ASDURF: variants seen among roughly 807,000 people sequenced by gnomAD.
The protein encoded by ASDURF is ASNSD1 upstream open reading frame, also known as ASDURF protein.
In ASDURF, 3 loss-of-function variants were observed where a neutral mutation model predicts 3.3. The ratio of observed to expected loss-of-function variants is 0.92; its 90% confidence interval spans 0.42 to 2.37. The LOEUF (loss-of-function observed/expected upper bound fraction) is 2.37. Among genes scored for constraint, ASDURF ranks in the 30% most tolerant of loss-of-function variants. The probability of loss-of-function intolerance (pLI) is 0.05; values close to 1 mark genes in which losing one functional copy is unlikely to be tolerated. For missense variants in ASDURF, 23 were observed against 25.4 expected (o/e 0.90, Z 0.21); for synonymous variants, 11 against 8.3 (o/e 1.32, Z -0.55).
At chr2:189,665,893 C>G (rs2032790074) in intron 3 of ASDURF, 148 bp from the exon 4 acceptor site, 1 of 417,160 alleles carries the variant, frequency 2.4e-6, no homozygotes, top group Admixed American at 4.0e-5. Flanking sequence ...TTATTAGTAG[C>G]CTGTTGTTAA....
chr2:189,665,600 A>G (rs12693553), intron 3 of ASDURF, 149 bp downstream of exon 3: 2,421 of 4,732 alleles, frequency 0.51, 591 homozygotes, highest in Middle Eastern at 0.83. Flanking sequence ...ATATATGTGT[A>G]TATATATATA....
chr2:189,661,810 GAA>G (rs1402688880), intron 1 of ASDURF, among the ~76,000 whole-genome samples, 200 bp downstream of exon 1: 4 of 152,224 alleles, frequency 2.6e-5, no homozygotes, highest in Non-Finnish European at 5.9e-5. Context: ...GGGAGATCTT[GAA>G]ATTTGTCCCG....
intron 3 of ASDURF, among the ~76,000 whole-genome samples, 166 bp downstream of exon 3, chr2:189,665,617 T>C (rs1198254394): frequency 1.2e-4 from 13 of 110,142 alleles, no homozygotes; most frequent in Admixed American, 5.0e-4. Context: ...TATATATATA[T>C]ATATATATAT....
At chr2:189,662,969 A>T (rs1022673150) in intron 1 of ASDURF, among the ~76,000 whole-genome samples, 2 of 137,868 alleles carry the variant, frequency 1.5e-5, no homozygotes, top group Admixed American at 1.5e-4. Context: ...AAAAAAAAAA[A>T]GCCCAGTTCA....
chr2:189,663,957 G>T lies in ASDURF; in HGVS notation c.144+3G>T. ...TTTCTAACCTTAAGAAGAATAGGGT[G>T]AGTTATTATAGGAATTCTGAATAAT... On this transcript the variant is annotated splice_donor_region_variant and intron_variant, in intron 2 of 3. Coordinates refer to ENST00000607829, the MANE Select transcript of ASDURF (RefSeq NM_001353493.2). 2.6e-6 allele frequency: 1 copy of T among 387,908 alleles called. No homozygotes were observed. Among genetic ancestry groups the T allele is most frequent in the South Asian group, 1.3e-4 (1 of 7,700 alleles). The allele number at this position is 387,908 out of a possible 1,614,324, so 24.0% of individuals were successfully genotyped here.
At chr2:189,665,519 A>G (rs987876725) in intron 3 of ASDURF, 68 bp downstream of exon 3, 7 of 378,784 alleles carry the variant, frequency 1.8e-5, no homozygotes, top group East Asian at 3.7e-5. Flanking sequence ...GTTAAAATAT[A>G]TATCTAAAGA....
At chr2:189,662,060 C>G (rs1464687290) in intron 1 of ASDURF, among the ~76,000 whole-genome samples, 1 of 152,122 alleles carries the variant, frequency 6.6e-6, no homozygotes, top group Non-Finnish European at 1.5e-5. Context: ...ACTCTTACCA[C>G]CCCAAATAAG....
chr2:189,666,209 A>G lies in ASDURF; in HGVS notation c.*98A>G. On this transcript the variant is annotated 3_prime_UTR_variant, in exon 4 of 4. Transcript: ENST00000607829. Reference sequence around the variant, plus strand: ...GATTTAAAAGAGGACTTACTATATAATCTTAAACAGCGGGGACCCAATAGT... The same window carrying G: ...GATTTAAAAGAGGACTTACTATATAGTCTTAAACAGCGGGGACCCAATAGT... 1 of 1,613,266 alleles carries G rather than the reference A, an allele frequency of 6.2e-7. No homozygotes were observed. The highest frequency in any genetic ancestry group is 8.5e-7 in the Non-Finnish European group (1 of 1,179,798).
chr2:189,664,019 G>A (rs2032731937), intron 2 of ASDURF, 65 bp downstream of exon 2: 1 of 366,060 alleles, frequency 2.7e-6, no homozygotes, highest in Admixed American at 4.7e-5. Flanking sequence ...ATATATTAAA[G>A]TTATAAGAAG....
At chr2:189,662,625 C>T (rs542328714) in intron 1 of ASDURF, among the ~76,000 whole-genome samples, 3 of 152,250 alleles carry the variant, frequency 2.0e-5, no homozygotes, top group African/African-American at 7.2e-5. Flanking sequence ...AAGCCACTTA[C>T]GCATACTGGT....
At chr2:189,664,888 A>G (rs975195312) in intron 2 of ASDURF, among the ~76,000 whole-genome samples, 1 of 152,262 alleles carries the variant, frequency 6.6e-6, no homozygotes, top group Non-Finnish European at 1.5e-5. Context: ...GGAGAGAATC[A>G]TGGTAGTGCA....
At position 189,661,496 on chromosome 2, in the gene ASDURF, C is replaced by T. The variant is rs1420155076; in HGVS notation, c.-25C>T. The T allele has an allele frequency of 1.8e-5, 7 of 399,156 alleles. No individual in the cohort carries two copies. Among genetic ancestry groups the T allele is most frequent in the Non-Finnish European group, 2.7e-5 (6 of 226,262 alleles). The allele number at this position is 399,156 out of a possible 1,614,324, so 24.7% of individuals were successfully genotyped here. Reference sequence around the variant, plus strand: ...GTAGGCTCCTTCAGGGCTGAGCCATCCCGCGTGTCTTGCGCTCGGTGGAAA... The same window carrying T: ...GTAGGCTCCTTCAGGGCTGAGCCATTCCGCGTGTCTTGCGCTCGGTGGAAA... On this transcript the variant is annotated 5_prime_UTR_variant, in exon 1 of 4. Coordinates refer to ENST00000607829, the MANE Select transcript of ASDURF (RefSeq NM_001353493.2).
intron 3 of ASDURF, 104 bp from the exon 4 acceptor site, chr2:189,665,937 T>C (rs1191612474): frequency 5.8e-6 from 3 of 519,558 alleles, no homozygotes; most frequent in East Asian, 3.0e-5. Flanking sequence ...TGTGTGTTTA[T>C]ATGGTTTGAT....
Position 189,666,090 on chromosome 2 carries a change from C to G in ASDURF, c.270C>G (p.Asp90Glu). The stretch of plus-strand genomic sequence containing the variant: ...AATACCAAGAAATAGAAAACTTAGA[C>G]AAGACCAAAATCAAGAAATAGTCAA... ...KKEYQEIENLDKTKIKK is the reference protein window; with the variant it reads ...KKEYQEIENLEKTKIKK The change falls in exon 4 of 4, where the codon GAC (aspartate) becomes GAG (glutamate). Residue 90 changes from aspartate to glutamate, a missense_variant. Asp to Glu is a conservative substitution (Grantham distance 45). Coordinates refer to ENST00000607829, the MANE Select transcript of ASDURF (RefSeq NM_001353493.2). 6.7e-7 allele frequency: 1 copy of G among 1,488,592 alleles called. No individual in the cohort carries two copies. Among genetic ancestry groups the G allele is most frequent in the Non-Finnish European group, 8.9e-7 (1 of 1,122,088 alleles). 92.2% of individuals were successfully genotyped at this position (1,488,592 alleles called of 1,614,324 possible).
At chr2:189,663,549 G>A (rs975663125) in intron 1 of ASDURF, among the ~76,000 whole-genome samples, 3 of 152,166 alleles carry the variant, frequency 2.0e-5, no homozygotes, top group Admixed American at 6.5e-5. Flanking sequence ...CACCGCACCC[G>A]GCCTGGTGTA....
rs376147861 is a variant in ASDURF, at chr2:189,666,288, C to T, written c.*177C>T. 22 of 1,613,964 alleles carry T rather than the reference C, an allele frequency of 1.4e-5. No individual in the cohort carries two copies. The African/African-American group carries it at 1.9e-4, about 14-fold the overall frequency. ...ACTACCAGTGTTTATTTTCTGCTCA[C>T]GTCCTACACTTGAGGGGTGTTTTGA... On this transcript the variant is annotated 3_prime_UTR_variant, in exon 4 of 4. Transcript: ENST00000607829.
Position 189,665,406 on chromosome 2 carries a change from A to G in ASDURF, c.175A>G (p.Ile59Val). 3 of 397,736 alleles carry G rather than the reference A, an allele frequency of 7.5e-6. No homozygotes were observed. The highest frequency in any genetic ancestry group is 1.3e-5 in the Non-Finnish European group (3 of 225,496). The allele number at this position is 397,736 out of a possible 1,614,324, so 24.6% of individuals were successfully genotyped here. ...KVYRQQQNSNIFFLADRTEML... is the reference protein window; with the variant it reads ...KVYRQQQNSNVFFLADRTEML... ...ATATAGGCAACAACAGAACAGCAAT[A>G]TATTCTTTCTTGCAGACCGAACAGA... is the stretch of plus-strand genomic sequence containing the variant. The change falls in exon 3 of 4, where the codon ATA (isoleucine) becomes GTA (valine). Residue 59 changes from isoleucine (I) to valine (V), a missense_variant. Transcript: ENST00000607829.
Position 189,661,587 on chromosome 2 carries a change from C to T in ASDURF, c.67C>T (p.His23Tyr). Reference sequence around the variant, plus strand: ...GATCCCCACCGACAATTCGACCCCACACAAGGAGGATCTAAGCAGCAAGGT... The same window carrying T: ...GATCCCCACCGACAATTCGACCCCATACAAGGAGGATCTAAGCAGCAAGGT... ...VLIPTDNSTPHKEDLSSKIKE... is the reference protein window; with the variant it reads ...VLIPTDNSTPYKEDLSSKIKE... Residue 23 changes from histidine to tyrosine, a missense_variant, in exon 1 of 4, where the codon CAC becomes TAC. Coordinates refer to ENST00000607829, the MANE Select transcript of ASDURF (RefSeq NM_001353493.2). 2.5e-6 allele frequency: 1 copy of T among 399,364 alleles called. No homozygotes were observed. The allele number at this position is 399,364 out of a possible 1,614,324, so 24.7% of individuals were successfully genotyped here. A position where few individuals can be genotyped will look rare whatever the true frequency, so the allele number is the denominator to read the frequency against.
chr2:189,663,556 T>C (rs12987693), intron 1 of ASDURF, among the ~76,000 whole-genome samples: 1 of 152,164 alleles, frequency 6.6e-6, no homozygotes, highest in South Asian at 2.1e-4. Flanking sequence ...CCCGGCCTGG[T>C]GTATATCATA....
Sources: gnomAD v4.1 joint callset for allele counts (sites outside exome capture counted in the v4.1 genomes callset) on GRCh38, gnomAD v4.1.1 for gene constraint, MANE v1.5 for transcripts, NCBI Gene and HGNC (gene_info 2026-07-23, HGNC 2026-07-21) for gene names.